Variants in CSPP1 observed in about 807,000 individuals in gnomAD.
CSPP1 encodes centrosome and spindle pole-associated protein 1.
Under a neutral mutation model 164.4 loss-of-function variants are expected in CSPP1, and 126 were observed. The observed-to-expected ratio is 0.77, with a 90% CI of 0.66 to 0.89. CSPP1 has a LOEUF of 0.89. Ranked by LOEUF, CSPP1 falls within the 40% of genes least tolerant of loss-of-function variation. The pLI is 0.00. For synonymous variants in CSPP1, 472 were observed against 476.7 expected (o/e 0.99, Z 0.13); for missense variants, 1,395 against 1,449.8 (o/e 0.96, Z 0.61).
Position 67,158,521 on chromosome 8 carries a change from G to T in CSPP1, c.2316G>T (p.Arg772=). 1 of 1,612,904 alleles carries T rather than the reference G, an allele frequency of 6.2e-7. No individual in the cohort carries two copies. ...LRIAEEKEER[R]LAEQRARIQQ... is the part of the protein sequence containing the mutation. ...TTGCAGAAGAAAAAGAAGAAAGACG[G>T]CTTGCAGAACAGAGGGCACGAATTC... Residue 772 remains arginine (R), a synonymous_variant, in exon 20 of 31, where the codon CGG becomes CGT. Transcript: ENST00000678616.
At chr8:67,109,933 G>A (rs1040846755) in intron 9 of CSPP1, among the ~76,000 whole-genome samples, 18 of 151,980 alleles carry the variant, frequency 1.2e-4, no homozygotes, top group African/African-American at 4.4e-4. Flanking sequence ...TGCTACTCCC[G>A]TTATCTTATA....
rs1228312143 is a variant in CSPP1 at position 67,190,706 on chromosome 8, C to G, written c.3277C>G (p.Gln1093Glu). ...IEDDVLPPPS[Q>E]LPSARERRRN... ...AGATGACGTCCTCCCTCCACCATCA[C>G]AGTTGCCCTCTGCACGGGAGCGCAG... Residue 1093 changes from glutamine (Q) to glutamate (E), a missense_variant, in exon 29 of 31, where the codon CAG becomes GAG. By Grantham distance (29) the Gln-to-Glu change is conservative. Transcript: ENST00000678616. 1 of 1,614,016 alleles carries G rather than the reference C, an allele frequency of 6.2e-7. No individual in the cohort carries two copies. Among genetic ancestry groups the G allele is most frequent in the Non-Finnish European group, 8.5e-7 (1 of 1,180,012 alleles).
intron 1 of CSPP1, chr8:67,065,541 T>C: frequency 1.0e-6 from 1 of 979,634 alleles, no homozygotes; most frequent in African/African-American, 1.7e-5. Context: ...TATTGAGGTA[T>C]TTTCTTTTCT....
At chr8:67,128,420 T>A (rs886870466) in intron 15 of CSPP1, among the ~76,000 whole-genome samples, 1 of 151,996 alleles carries the variant, frequency 6.6e-6, no homozygotes, top group Non-Finnish European at 1.5e-5. Flanking sequence ...ATGCCTGTAG[T>A]TCTAGCTACT....
At chr8:67,076,118 T>C (rs1191417619) in intron 2 of CSPP1, among the ~76,000 whole-genome samples, 1 of 152,086 alleles carries the variant, frequency 6.6e-6, no homozygotes, top group African/African-American at 2.4e-5. Flanking sequence ...TTCCTGCCAC[T>C]ATCTACATAT....
chr8:67,189,039 A>C (rs1296024419), intron 28 of CSPP1, among the ~76,000 whole-genome samples: 1 of 152,202 alleles, frequency 6.6e-6, no homozygotes, highest in Admixed American at 6.5e-5. Flanking sequence ...CCCGCCTGGT[A>C]ACACATTAAA....
Position 67,064,923 on chromosome 8 carries a change from G to T in CSPP1, c.-11+385G>T, listed in dbSNP as rs114790691. 7.9e-3 allele frequency: 1,319 copies of T among 168,020 alleles called. 16 individuals carry two copies. The highest frequency in any genetic ancestry group is 0.03 in the African/African-American group (1,236 of 41,816). The allele number at this position is 168,020 out of a possible 1,614,324, so 10.4% of individuals were successfully genotyped here. A position where few individuals can be genotyped will look rare whatever the true frequency, so the allele number is the denominator to read the frequency against. ...TCCGGATTCCTGGGCCACTGCGGTC[G>T]CTGCTGCCCGCGGTGTTGTTGATAG... is the stretch of plus-strand genomic sequence containing the variant. On this transcript the variant is annotated intron_variant, in intron 1 of 30. Coordinates refer to ENST00000678616, the MANE Select transcript of CSPP1 (RefSeq NM_001382391.1).
chr8:67,166,355 T>C (rs1006241835), intron 24 of CSPP1, among the ~76,000 whole-genome samples: 6 of 152,242 alleles, frequency 3.9e-5, no homozygotes, highest in Non-Finnish European at 7.3e-5. Context: ...TCTATAATTG[T>C]TCCTATGTCT....
chr8:67,136,265 G>A (rs7833373), intron 16 of CSPP1, among the ~76,000 whole-genome samples: 18,714 of 151,900 alleles, frequency 0.12, 2,258 homozygotes, highest in African/African-American at 0.31. Context: ...ACAAACCTTC[G>A]ATTTGTAAAA....
In CSPP1 at chr8:67,093,591, G is replaced by A; in HGVS notation, c.433G>A (p.Gly145Ser). ...RNKEYNQFLR[G>S]KEESSEKFRQ... ...CAAAGAATACAATCAGTTTCTCAGG[G>A]GTAAGGAAGAATCCAGTGAAAAGTT... is the stretch of plus-strand genomic sequence containing the variant. The change falls in exon 6 of 31, where the codon GGT becomes AGT. Residue 145 changes from glycine to serine, a missense_variant. Physicochemically the swap from Gly to Ser is moderately conservative, Grantham distance 56. Coordinates refer to ENST00000678616, the MANE Select transcript of CSPP1 (RefSeq NM_001382391.1). 1.2e-6 allele frequency: 2 copies of A among 1,612,800 alleles called. No individual in the cohort carries two copies. Among genetic ancestry groups the A allele is most frequent in the South Asian group, 1.1e-5 (1 of 90,970 alleles).
chr8:67,179,265 A>G (rs943155967), intron 27 of CSPP1, among the ~76,000 whole-genome samples: 1 of 152,030 alleles, frequency 6.6e-6, no homozygotes, highest in Non-Finnish European at 1.5e-5. Context: ...TCGTTACTAT[A>G]CTATATGCTC....
At chr8:67,140,549 A>G (rs575016183) in intron 17 of CSPP1, among the ~76,000 whole-genome samples, 9 of 152,196 alleles carry the variant, frequency 5.9e-5, no homozygotes, top group Non-Finnish European at 1.3e-4. Context: ...TCTTATTTTA[A>G]TAGGTAAGTG....
At chr8:67,179,798 G>A in intron 27 of CSPP1, 65 bp from the exon 28 acceptor site, 1 of 1,090,700 alleles carries the variant, frequency 9.2e-7, no homozygotes, top group Non-Finnish European at 1.4e-6. Context: ...CCTCTTCTTA[G>A]TATAAATTTG....
intron 7 of CSPP1, among the ~76,000 whole-genome samples, chr8:67,099,988 C>A (rs1383952653): frequency 6.6e-6 from 1 of 151,932 alleles, no homozygotes; most frequent in Non-Finnish European, 1.5e-5. Context: ...AAAAGATAAA[C>A]AAATCATATG....
Position 67,064,456 on chromosome 8 carries a change from G to C in CSPP1, c.-93G>C, listed in dbSNP as rs941063068. On this transcript the variant is annotated 5_prime_UTR_variant, in exon 1 of 31. Coordinates refer to ENST00000678616, the MANE Select transcript of CSPP1 (RefSeq NM_001382391.1). ...CTCTTCGGTCCGCGACGATCCTCTA[G>C]AGCACTGTGTGTCTCCCCGGACGCG... is the stretch of plus-strand genomic sequence containing the variant. 3 of 1,613,904 alleles carry C rather than the reference G, an allele frequency of 1.9e-6. No individual in the cohort carries two copies. Among genetic ancestry groups the C allele is most frequent in the African/African-American group, 2.7e-5 (2 of 74,938 alleles).
intron 24 of CSPP1, among the ~76,000 whole-genome samples, chr8:67,169,530 C>T (rs1830084592): frequency 1.3e-5 from 2 of 152,180 alleles, no homozygotes; most frequent in Admixed American, 6.5e-5. Flanking sequence ...ACCTCTGCCT[C>T]CCGGGTTCAA....
chr8:67,177,461 CTTG>C (rs1831970932), intron 26 of CSPP1, among the ~76,000 whole-genome samples: 1 of 152,124 alleles, frequency 6.6e-6, no homozygotes, highest in Non-Finnish European at 1.5e-5. Context: ...AATGATTTTA[CTTG>C]TTATGTTCAT....
chr8:67,195,556 C>CTT lies in CSPP1; in HGVS notation c.3646_3647dup (p.Thr1217SerfsTer20), dbSNP rs1837769966. On this transcript the variant is annotated frameshift_variant, in exon 31 of 31. Coordinates refer to ENST00000678616, the MANE Select transcript of CSPP1 (RefSeq NM_001382391.1). LOFTEE classifies it high-confidence loss of function. Reference sequence around the variant, plus strand: ...CAGCAGATTCCTGGAAAACCAGGCACTTTCACTTGGCAGGGCCTGTCGACT... The same window carrying CTT: ...CAGCAGATTCCTGGAAAACCAGGCACTTTTTCACTTGGCAGGGCCTGTCGACT... The CTT allele has an allele frequency of 6.2e-7, 1 of 1,614,206 alleles. No individual in the cohort carries two copies. The highest frequency in any genetic ancestry group is 1.7e-4 in the Middle Eastern group (1 of 6,034).
chr8:67,093,404 CT>C (rs1041983905), intron 5 of CSPP1, 138 bp from the exon 6 acceptor site: 5 of 578,250 alleles, frequency 8.6e-6, no homozygotes, highest in Middle Eastern at 4.6e-4. Context: ...GACATCTGTC[CT>C]TGAAATTATT....
Sources: gnomAD v4.1 joint callset for allele counts (sites outside exome capture counted in the v4.1 genomes callset) on GRCh38, gnomAD v4.1.1 for gene constraint, MANE v1.5 for transcripts, NCBI Gene and HGNC (gene_info 2026-07-23, HGNC 2026-07-21) for gene names.